HCRTR2: variants seen among roughly 807,000 people sequenced by gnomAD.
The protein encoded by HCRTR2 is orexin receptor type 2.
A neutral mutation model predicts 49.0 loss-of-function variants in HCRTR2; 22 were observed. That is an observed-to-expected ratio of 0.45 (90% CI 0.32 to 0.64). HCRTR2 has a LOEUF of 0.64. Ranked by LOEUF, HCRTR2 falls within the 30% of genes least tolerant of loss-of-function variation. The probability of loss-of-function intolerance (pLI) is 0.04; values close to 1 mark genes in which losing one functional copy is unlikely to be tolerated. For missense variants in HCRTR2, 491 were observed against 559.4 expected, an observed-to-expected ratio of 0.88 and a Z score of 1.23; for synonymous variants, 236 against 205.3, an observed-to-expected ratio of 1.15 and a Z score of -1.28.
intron 1 of HCRTR2, among the ~76,000 whole-genome samples, chr6:55,163,100 G>T (rs1221020965): frequency 1.3e-5 from 2 of 152,046 alleles, no homozygotes; most frequent in African/African-American, 2.4e-5. Context: ...GCCGGGCGTG[G>T]TGGCAGGCGC....
chr6:55,177,103 A>C (rs1371957389), intron 1 of HCRTR2, among the ~76,000 whole-genome samples: 1 of 152,182 alleles, frequency 6.6e-6, no homozygotes, highest in Non-Finnish European at 1.5e-5. Flanking sequence ...TCAAGAAGGA[A>C]ACACCTCTAC....
At chr6:55,148,913 G>A (rs9396051) in intron 1 of HCRTR2, among the ~76,000 whole-genome samples, 5,811 of 152,146 alleles carry the variant, frequency 0.038, 218 homozygotes, top group African/African-American at 0.097. Flanking sequence ...TGAATGATAA[G>A]AAAATAAAAT....
chr6:55,197,058 G>A (rs534917483), intron 1 of HCRTR2, among the ~76,000 whole-genome samples: 2 of 152,168 alleles, frequency 1.3e-5, no homozygotes, highest in South Asian at 4.2e-4. Context: ...AACTAATTCT[G>A]ATTTTACTCC....
intron 1 of HCRTR2, among the ~76,000 whole-genome samples, chr6:55,226,764 C>G: frequency 7.8e-6 from 1 of 128,198 alleles, no homozygotes; most frequent in East Asian, 2.5e-4. Context: ...GTCGCCCAGG[C>G]CTGGAGTGCA....
At chr6:55,139,817 G>A (rs1487815501) in intron 1 of HCRTR2, among the ~76,000 whole-genome samples, 1 of 152,156 alleles carries the variant, frequency 6.6e-6, no homozygotes. Flanking sequence ...TTGAAATCTT[G>A]CTAACTAGTA....
intron 1 of HCRTR2, among the ~76,000 whole-genome samples, chr6:55,114,946 T>C (rs1364069056): frequency 6.6e-6 from 1 of 151,680 alleles, no homozygotes; most frequent in Non-Finnish European, 1.5e-5. Context: ...CAAAGACCCT[T>C]GTTTTCCAAT....
chr6:55,107,225 A>C (rs138067686), intron 1 of HCRTR2, among the ~76,000 whole-genome samples: 210 of 152,208 alleles, frequency 1.4e-3, no homozygotes, highest in African/African-American at 4.8e-3. Flanking sequence ...TTATAGCATT[A>C]TCTTTGAAAT....
rs185581986 is a variant in HCRTR2 at position 55,165,195 on chromosome 6, C to G, written c.-377-9016C>G. Among the ~76,000 whole-genome samples the G allele has an allele frequency of 5.8e-3, 870 of 150,710 alleles. 7 individuals are homozygous for G. Among genetic ancestry groups the G allele is most frequent in the African/African-American group, 0.02 (826 of 41,144 alleles). On this transcript the variant is annotated intron_variant, in intron 1 of 7. Coordinates refer to the HCRTR2 transcript ENST00000615358. ...AGAAAATAGCCTCAAAAGCATAAAT[C>G]TAAGAGTTACTGGCCTTAAAAAGGA...
chr6:55,173,765 GC>G (rs1764985648), upstream of HCRTR2, among the ~76,000 whole-genome samples: 1 of 152,032 alleles, frequency 6.6e-6, no homozygotes, highest in South Asian at 2.1e-4. Flanking sequence ...CTTAACTATC[GC>G]AAATACAAAT....
At chr6:55,132,832 A>C (rs9367616) in intron 1 of HCRTR2, among the ~76,000 whole-genome samples, 3,704 of 150,992 alleles carry the variant, frequency 0.025, 62 homozygotes, top group East Asian at 0.057. Flanking sequence ...TTATGTTTAG[A>C]TGGGGTTGAT....
chr6:55,111,669 C>G (rs1365752703), intron 1 of HCRTR2, among the ~76,000 whole-genome samples: 6 of 151,874 alleles, frequency 4.0e-5, no homozygotes, highest in Non-Finnish European at 7.4e-5. Context: ...AAATTGCCAA[C>G]AAATAAAAGT....
At chr6:55,183,789 AAAAC>A (rs1376729140) in intron 1 of HCRTR2, among the ~76,000 whole-genome samples, 1 of 152,230 alleles carries the variant, frequency 6.6e-6, no homozygotes, top group Non-Finnish European at 1.5e-5. Context: ...TGCTGCATAC[AAAAC>A]AAAGAAAGAA....
chr6:55,281,222 A>T (rs1455610219), intron 6 of HCRTR2, among the ~76,000 whole-genome samples: 2 of 152,192 alleles, frequency 1.3e-5, no homozygotes, highest in East Asian at 3.8e-4. Context: ...AAGCTTCTGC[A>T]TCTTCCAACT....
Position 55,263,737 on chromosome 6 carries a change from G to C in HCRTR2, c.677G>C (p.Cys226Ser), listed in dbSNP as rs1476525607. ...ATTTATCCCAAGATGTACCACATCT[G>C]TTTCTTTCTGGTGACATACATGGCA... ...GEIYPKMYHI[C>S]FFLVTYMAPL... Residue 226 changes from cysteine to serine, a missense_variant, in exon 4 of 7, where the codon TGT becomes TCT. Cys to Ser is a moderately radical substitution (Grantham distance 112, BLOSUM62 -1). Transcript: ENST00000370862. 21 of 1,611,618 alleles carry C rather than the reference G, an allele frequency of 1.3e-5. No homozygotes were observed. The highest frequency in any genetic ancestry group is 7.7e-5 in the South Asian group (7 of 91,014).
intron 1 of HCRTR2, among the ~76,000 whole-genome samples, chr6:55,140,484 G>A (rs1764491886): frequency 6.6e-6 from 1 of 152,170 alleles, no homozygotes; most frequent in African/African-American, 2.4e-5. Flanking sequence ...AGAAGCAAAT[G>A]GAGGTGAGGA....
intron 1 of HCRTR2, among the ~76,000 whole-genome samples, chr6:55,232,411 T>C (rs1264984021): frequency 1.3e-5 from 2 of 152,318 alleles, no homozygotes; most frequent in East Asian, 3.9e-4. Context: ...GGACATTCTT[T>C]TTTGTTGTTG....
intron 1 of HCRTR2, among the ~76,000 whole-genome samples, chr6:55,118,885 C>G (rs1764156253): frequency 6.6e-6 from 1 of 150,650 alleles, no homozygotes. Context: ...TTTGCTATAC[C>G]CATCAACCCG....
At chr6:55,273,782 G>C (rs1767019958) in intron 4 of HCRTR2, among the ~76,000 whole-genome samples, 1 of 151,484 alleles carries the variant, frequency 6.6e-6, no homozygotes, top group African/African-American at 2.4e-5. Flanking sequence ...ATGCCACTTT[G>C]CTAGGTCTCT....
intron 1 of HCRTR2, among the ~76,000 whole-genome samples, chr6:55,220,901 A>T (rs1765877443): frequency 6.6e-6 from 1 of 152,198 alleles, no homozygotes; most frequent in African/African-American, 2.4e-5. Flanking sequence ...ATGTTTCTAT[A>T]CAATAGCAGC....
Sources: allele counts gnomAD v4.1 joint callset (sites outside exome capture counted in the v4.1 genomes callset), GRCh38; gene constraint gnomAD v4.1.1; transcripts MANE v1.5; gene names NCBI Gene and HGNC (gene_info 2026-07-23, HGNC 2026-07-21).